ADCY8: variants seen among roughly 807,000 people sequenced by gnomAD.
ADCY8 encodes the protein adenylate cyclase type 8.
A neutral mutation model predicts 119.7 loss-of-function variants in ADCY8; 51 were observed. The ratio of observed to expected loss-of-function variants is 0.43; its 90% confidence interval spans 0.34 to 0.54. The LOEUF (loss-of-function observed/expected upper bound fraction) is 0.54. Ranked by LOEUF, ADCY8 falls within the 20% of genes least tolerant of loss-of-function variation. ADCY8 has a pLI of 0.03. For missense variants in ADCY8, 1,383 were observed against 1,598.8 expected (o/e 0.87, Z 2.30); for synonymous variants, 665 against 651.0 (o/e 1.02, Z -0.33).
At chr8:130,953,822 G>A (rs149188664) in intron 2 of ADCY8, among the ~76,000 whole-genome samples, 1 of 152,144 alleles carries the variant, frequency 6.6e-6, no homozygotes, top group South Asian at 2.1e-4. Flanking sequence ...TTAATGAAAT[G>A]CCCATTGAAT....
intron 13 of ADCY8, among the ~76,000 whole-genome samples, chr8:130,815,535 G>C (rs1387350880): frequency 6.6e-6 from 1 of 152,116 alleles, no homozygotes; most frequent in East Asian, 1.9e-4. Flanking sequence ...TTATTTTACA[G>C]ATAAGAAAAT....
rs566463102 is a variant in ADCY8, at chr8:130,983,485, G to A, written c.1110+6908C>T. ...AATGGCAGAGAAGCAGAGAGGGAGG[G>A]AGACAGATAGGGAACGACCAGCAAG... On this transcript the variant is annotated intron_variant, in intron 2 of 17. Transcript: ENST00000286355. 7.9e-5 allele frequency among the ~76,000 whole-genome samples: 12 copies of A among 152,302 alleles called. No homozygotes were observed. In the South Asian group the frequency reaches 2.5e-3, roughly 32 times the overall value.
At chr8:130,964,487 G>T (rs1170297862) in intron 2 of ADCY8, among the ~76,000 whole-genome samples, 1 of 152,188 alleles carries the variant, frequency 6.6e-6, no homozygotes, top group Non-Finnish European at 1.5e-5. Context: ...AAAGAGAGAT[G>T]CCCTTTGCAT....
chr8:131,023,126 A>G (rs780752034), intron 1 of ADCY8, among the ~76,000 whole-genome samples: 5 of 152,176 alleles, frequency 3.3e-5, no homozygotes, highest in Non-Finnish European at 7.4e-5. Flanking sequence ...ATTATGCAGG[A>G]ATACCATTAA....
intron 9 of ADCY8, among the ~76,000 whole-genome samples, chr8:130,854,216 G>A (rs1289827779): frequency 1.3e-5 from 2 of 152,132 alleles, no homozygotes; most frequent in Admixed American, 6.6e-5. Context: ...GGCATCCAGG[G>A]GTTCTGAATT....
intron 4 of ADCY8, 153 bp downstream of exon 4, chr8:130,943,198 C>T (rs1821008024): frequency 3.6e-6 from 2 of 562,440 alleles, no homozygotes; most frequent in African/African-American, 1.9e-5. Flanking sequence ...TAACATCAGT[C>T]CCCAGAATGT....
chr8:130,970,566 G>A (rs569584119), intron 2 of ADCY8, among the ~76,000 whole-genome samples: 3 of 152,158 alleles, frequency 2.0e-5, no homozygotes, highest in Admixed American at 1.3e-4. Flanking sequence ...TAAATGTAAT[G>A]CACTGGAATC....
In ADCY8 at chr8:130,839,057, C is replaced by A. The variant is rs1378418388; in HGVS notation, c.2503-2608G>T. On this transcript the variant is annotated intron_variant, in intron 11 of 17. Coordinates refer to ENST00000286355, the MANE Select transcript of ADCY8 (RefSeq NM_001115.3). ...TTAGGAAGACAGAATAACATGAATG[C>A]AAAAGTGTAAAGGAACAAGGTGTCA... Among the ~76,000 whole-genome samples, 2 of 138,976 alleles carry A rather than the reference C, an allele frequency of 1.4e-5. 1 individual carries two copies. The highest frequency in any genetic ancestry group is 3.2e-5 in the Non-Finnish European group (2 of 61,552). 91.2% of individuals were successfully genotyped at this position (138,976 alleles called of 152,430 possible). A position where few individuals can be genotyped will look rare whatever the true frequency, so the allele number is the denominator to read the frequency against.
At chr8:130,897,394 T>G (rs1241485639) in intron 7 of ADCY8, among the ~76,000 whole-genome samples, 2 of 152,076 alleles carry the variant, frequency 1.3e-5, no homozygotes, top group African/African-American at 4.8e-5. Context: ...ACTTCACATT[T>G]CCTTTTCTTC....
In ADCY8 at chr8:131,017,931, C is replaced by A. The variant is rs1823534525; in HGVS notation, c.960+21443G>T. ...CCTTGTTTCCTTATCTGATAAGCAC[C>A]AACATCTGATACATCAAATATCAGA... On this transcript the variant is annotated intron_variant, in intron 1 of 17. Coordinates refer to ENST00000286355, the MANE Select transcript of ADCY8 (RefSeq NM_001115.3). Among the ~76,000 whole-genome samples the A allele has an allele frequency of 1.3e-5, 2 of 152,088 alleles. 1 individual carries two copies. Among genetic ancestry groups the A allele is most frequent in the South Asian group, 4.1e-4 (2 of 4,820 alleles).
chr8:130,928,024 C>T (rs1381929139), intron 5 of ADCY8, among the ~76,000 whole-genome samples: 1 of 152,184 alleles, frequency 6.6e-6, no homozygotes, highest in African/African-American at 2.4e-5. Flanking sequence ...AGGACTCCTC[C>T]CACCTCAGCC....
intron 12 of ADCY8, among the ~76,000 whole-genome samples, chr8:130,833,071 T>C (rs548119245): frequency 6.6e-6 from 1 of 152,362 alleles, no homozygotes; most frequent in Admixed American, 6.5e-5. Context: ...CTCTTTTGTG[T>C]TCATTTTTGC....
At chr8:131,036,268 T>C (rs1391959010) in intron 1 of ADCY8, among the ~76,000 whole-genome samples, 1 of 152,196 alleles carries the variant, frequency 6.6e-6, no homozygotes, top group African/African-American at 2.4e-5. Context: ...TAAGGGTGCT[T>C]AGTTACATGT....
chr8:130,815,113 C>T (rs1353626929), intron 13 of ADCY8, among the ~76,000 whole-genome samples: 1 of 152,138 alleles, frequency 6.6e-6, no homozygotes, highest in Non-Finnish European at 1.5e-5. Context: ...CTTTCTCTCT[C>T]CACATGCACA....
intron 11 of ADCY8, among the ~76,000 whole-genome samples, chr8:130,839,977 A>G (rs1563686455): frequency 7.1e-6 from 1 of 140,492 alleles, no homozygotes; most frequent in East Asian, 2.2e-4. Context: ...CTTAAAGACA[A>G]GATCTTGGCA....
rs1824284752 is a variant in ADCY8 at position 131,039,530 on chromosome 8, G to T, written c.804C>A (p.Gly268=). 1.2e-6 allele frequency: 2 copies of T among 1,613,646 alleles called. No homozygotes were observed. The highest frequency in any genetic ancestry group is 1.3e-5 in the African/African-American group (1 of 74,936). The change falls in exon 1 of 18, where the codon GGC becomes GGA. Residue 268 remains glycine (G), a synonymous_variant. Coordinates refer to ENST00000286355, the MANE Select transcript of ADCY8 (RefSeq NM_001115.3). The part of the protein sequence containing the change: ...LAAGLGYGLL[G]DGIGYVLFTL... ...TGAAGAGCACGTAGCCTATGCCGTC[G>T]CCCAGGAGCCCGTAGCCGAGGCCTG...
intron 2 of ADCY8, among the ~76,000 whole-genome samples, chr8:130,964,097 A>T (rs1176231233): frequency 6.6e-6 from 1 of 152,298 alleles, no homozygotes; most frequent in African/African-American, 2.4e-5. Flanking sequence ...AAGTCCTCGT[A>T]CGTCATGTAG....
chr8:130,784,833 C>A (rs1425096372), intron 16 of ADCY8, among the ~76,000 whole-genome samples: 1 of 142,886 alleles, frequency 7.0e-6, no homozygotes, highest in African/African-American at 2.7e-5. Context: ...ATTCCATTTC[C>A]CCAAGTATCT....
intron 1 of ADCY8, among the ~76,000 whole-genome samples, chr8:131,013,295 C>A (rs563610825): frequency 7.6e-4 from 115 of 152,110 alleles, no homozygotes; most frequent in South Asian, 1.7e-3. Flanking sequence ...AGGAGTGGAC[C>A]AAGAAAAGAC....
Sources: allele counts gnomAD v4.1 joint callset (sites outside exome capture counted in the v4.1 genomes callset), GRCh38; gene constraint gnomAD v4.1.1; transcripts MANE v1.5; gene names NCBI Gene and HGNC (gene_info 2026-07-23, HGNC 2026-07-21).